Variants in SUMF1 observed in about 807,000 individuals in gnomAD.
SUMF1 encodes the protein sulfatase modifying factor 1.
In SUMF1, 48 loss-of-function variants were observed where a neutral mutation model predicts 47.6. That is an observed-to-expected ratio of 1.01 (90% CI 0.80 to 1.28). The LOEUF (loss-of-function observed/expected upper bound fraction) is 1.28, where lower values mean the gene tolerates loss of function less well. Among genes scored for constraint, SUMF1 ranks in the 50% most tolerant of loss-of-function variants. SUMF1 has a pLI of 0.00. For synonymous variants in SUMF1, 230 were observed against 192.1 expected, an observed-to-expected ratio of 1.20 and a Z score of -1.63; for missense variants, 571 against 485.4, an observed-to-expected ratio of 1.18 and a Z score of -1.66.
chr3:4,316,520 C>T (rs542391438), intron 8 of SUMF1: 192 of 1,586,270 alleles, frequency 1.2e-4, no homozygotes, highest in Non-Finnish European at 1.6e-4. Flanking sequence ...ATTCTACGGT[C>T]GTTCGACATT....
At chr3:4,367,780 C>A (rs1039617098) in intron 8 of SUMF1, among the ~76,000 whole-genome samples, 4 of 151,740 alleles carry the variant, frequency 2.6e-5, no homozygotes, top group South Asian at 2.1e-4. Flanking sequence ...CCTGGCTAGC[C>A]ATATGTAGAA....
chr3:4,255,070 A>AT (rs1406989783), intron 8 of SUMF1, among the ~76,000 whole-genome samples: 83 of 150,776 alleles, frequency 5.5e-4, no homozygotes, highest in African/African-American at 1.9e-3. Flanking sequence ...ATGCTGAGAG[A>AT]TTTTGTCACC....
Position 4,420,543 on chromosome 3 carries a change from C to A in SUMF1, c.520-397G>T, listed in dbSNP as rs186593710. 3.4e-4 allele frequency among the ~76,000 whole-genome samples: 51 copies of A among 151,984 alleles called. 1 individual carries two copies. The highest frequency in any genetic ancestry group is 1.2e-3 in the African/African-American group (51 of 41,448). ...TCCCGAGTAGCTGGGACTACAGGCA[C>A]GTGCCAGCAAGCCCAGCGAATTTTT... On this transcript the variant is annotated intron_variant, in intron 3 of 8. Coordinates refer to ENST00000272902, the MANE Select transcript of SUMF1 (RefSeq NM_182760.4).
At chr3:4,224,718 GA>G (rs60745237) in intron 8 of SUMF1, among the ~76,000 whole-genome samples, 2 of 149,624 alleles carry the variant, frequency 1.3e-5, no homozygotes, top group African/African-American at 4.9e-5. Context: ...CTCTGGGCAT[GA>G]AAAAAAAATG....
downstream of SUMF1, among the ~76,000 whole-genome samples, chr3:4,359,176 A>G (rs139604822): frequency 4.0e-4 from 61 of 152,352 alleles, no homozygotes; most frequent in Non-Finnish European, 7.6e-4. Context: ...ACTATCCAAC[A>G]TTATAAAGTG....
chr3:4,072,066 C>A (rs941938201), intron 8 of SUMF1, among the ~76,000 whole-genome samples: 4 of 152,120 alleles, frequency 2.6e-5, no homozygotes, highest in Non-Finnish European at 5.9e-5. Flanking sequence ...CTGGCAGGTG[C>A]CCCTCTAAGA....
At position 4,244,237 on chromosome 3, in the gene SUMF1, G is replaced by C. The variant is rs144062527; in HGVS notation, c.1014+132093C>G. Among the ~76,000 whole-genome samples, 380 of 152,236 alleles carry C rather than the reference G, an allele frequency of 2.5e-3. 1 individual carries two copies. Among genetic ancestry groups the C allele is most frequent in the Non-Finnish European group, 4.6e-3 (312 of 68,010 alleles). ...ACTTGCCAGTCTGTGTCTTTTAATT[G>C]GGGCATTTAGCCCATTTACATTAAA... On this transcript the variant is annotated intron_variant and NMD_transcript_variant, in intron 8 of 12. Coordinates refer to the SUMF1 transcript ENST00000448413.
chr3:4,265,136 C>CAAAAA (rs71043507), intron 8 of SUMF1, among the ~76,000 whole-genome samples: 28 of 73,368 alleles, frequency 3.8e-4, no homozygotes, highest in East Asian at 1.2e-3. Context: ...GACTCCATCT[C>CAAAAA]AAAAAAAAAA....
intron 7 of SUMF1, among the ~76,000 whole-genome samples, chr3:4,379,973 A>C (rs751299520): frequency 7.9e-5 from 12 of 152,202 alleles, no homozygotes; most frequent in Non-Finnish European, 1.6e-4. Context: ...TAATAAATCA[A>C]AATTAACAGT....
intron 8 of SUMF1, among the ~76,000 whole-genome samples, chr3:4,349,311 G>A (rs1164496532): frequency 1.3e-5 from 2 of 152,146 alleles, no homozygotes; most frequent in African/African-American, 4.8e-5. Context: ...TCAGAATGGC[G>A]ATTATTAAAA....
Position 4,301,690 on chromosome 3 carries a change from C to T in SUMF1, c.1014+74640G>A, listed in dbSNP as rs144837737. On this transcript the variant is annotated intron_variant and NMD_transcript_variant, in intron 8 of 12. Coordinates refer to the SUMF1 transcript ENST00000448413. Reference sequence around the variant, plus strand: ...TAACTGGTTTGTTGCTTTAGTGGCTCTGTAGATCACAAATTATTTTCCCAG... The same window carrying T: ...TAACTGGTTTGTTGCTTTAGTGGCTTTGTAGATCACAAATTATTTTCCCAG... Among the ~76,000 whole-genome samples, 402 of 152,262 alleles carry T rather than the reference C, an allele frequency of 2.6e-3. 8 individuals carry two copies. The highest frequency in any genetic ancestry group is 5.9e-3 in the African/African-American group (247 of 41,548).
intron 7 of SUMF1, among the ~76,000 whole-genome samples, chr3:4,406,916 C>T (rs886273144): frequency 5.9e-5 from 9 of 152,136 alleles, no homozygotes; most frequent in East Asian, 1.9e-4. Context: ...GATTAATATC[C>T]GTCTCAGACT....
At chr3:4,241,290 G>A (rs1408600769) in intron 8 of SUMF1, among the ~76,000 whole-genome samples, 1 of 152,102 alleles carries the variant, frequency 6.6e-6, no homozygotes, top group Non-Finnish European at 1.5e-5. Context: ...TGCTTCTCAT[G>A]TATCTTCAGT....
rs1483217452 is a variant in SUMF1 at position 4,376,401 on chromosome 3, G to C, written c.955-12C>G. The stretch of plus-strand genomic sequence containing the variant: ...GAAGGGGGACCTTTCTACAGATGAA[G>C]AAAAAAGGCTATGTTAGACCAGAAG... On this transcript the variant is annotated splice_polypyrimidine_tract_variant and intron_variant, in intron 7 of 8. Transcript: ENST00000272902. The C allele has an allele frequency of 6.2e-7, 1 of 1,614,008 alleles. No homozygotes were observed. The highest frequency in any genetic ancestry group is 8.5e-7 in the Non-Finnish European group (1 of 1,179,924).
chr3:4,147,951 TC>T (rs1327897139), intron 8 of SUMF1, among the ~76,000 whole-genome samples: 2 of 152,106 alleles, frequency 1.3e-5, no homozygotes, highest in Admixed American at 6.5e-5. Flanking sequence ...GATAAGCAGC[TC>T]CGCACTATGC....
At chr3:4,334,010 T>C (rs1699098913) in intron 8 of SUMF1, among the ~76,000 whole-genome samples, 1 of 151,980 alleles carries the variant, frequency 6.6e-6, no homozygotes, top group African/African-American at 2.4e-5. Context: ...ACACCTGTAG[T>C]ATCAGCTACT....
chr3:4,453,062 G>T lies in SUMF1; in HGVS notation c.271-13C>A. ...GGATGGGGACCATCTACAATGAAAGGTGAAACACAGGAAGTCATGCATCAC... is the reference window on the plus strand; with the variant it reads ...GGATGGGGACCATCTACAATGAAAGTTGAAACACAGGAAGTCATGCATCAC... On this transcript the variant is annotated splice_polypyrimidine_tract_variant and intron_variant, in intron 1 of 8. Transcript: ENST00000272902. 6.2e-7 allele frequency: 1 copy of T among 1,608,912 alleles called. No homozygotes were observed. The highest frequency in any genetic ancestry group is 1.7e-4 in the Middle Eastern group (1 of 6,044).
At chr3:4,215,660 A>G (rs888837102) in intron 8 of SUMF1, among the ~76,000 whole-genome samples, 4 of 152,202 alleles carry the variant, frequency 2.6e-5, no homozygotes, top group Non-Finnish European at 5.9e-5. Context: ...GTCTCAGCCC[A>G]AAATCTCCTT....
chr3:4,271,514 GAT>G, intron 8 of SUMF1, among the ~76,000 whole-genome samples: 1 of 146,298 alleles, frequency 6.8e-6, no homozygotes, highest in East Asian at 2.1e-4. Context: ...TAGATAGATA[GAT>G]AGATACAGAG....
Sources: allele counts gnomAD v4.1 joint callset (sites outside exome capture counted in the v4.1 genomes callset), GRCh38; gene constraint gnomAD v4.1.1; transcripts MANE v1.5; gene names NCBI Gene and HGNC (gene_info 2026-07-23, HGNC 2026-07-21).